Variants in RAI14 observed in about 807,000 individuals in gnomAD.
RAI14 encodes ankycorbin.
In RAI14, 45 loss-of-function variants were observed where a neutral mutation model predicts 115.4. The ratio of observed to expected loss-of-function variants is 0.39; its 90% CI spans 0.31 to 0.50. The LOEUF is 0.50. Ranked by LOEUF, RAI14 falls within the 20% of genes least tolerant of loss-of-function variation. The pLI, the probability that RAI14 is intolerant of heterozygous loss-of-function variation, is 0.85. For missense variants in RAI14, 939 were observed against 1,131.2 expected (o/e 0.83, Z 2.44); for synonymous variants, 371 against 415.4 (o/e 0.89, Z 1.30).
intron 1 of RAI14, among the ~76,000 whole-genome samples, chr5:34,658,246 G>A (rs188191519): frequency 7.9e-5 from 12 of 152,308 alleles, no homozygotes; most frequent in Admixed American, 6.5e-4. Flanking sequence ...TAGGGATTCC[G>A]TAGGGGAATG....
At chr5:34,824,963 A>G (rs1757291960) in intron 15 of RAI14, among the ~76,000 whole-genome samples, 1 of 151,578 alleles carries the variant, frequency 6.6e-6, no homozygotes, top group Non-Finnish European at 1.5e-5. Context: ...AAAAAAAAAA[A>G]AAAAAGAATA....
chr5:34,766,752 T>C (rs1324136601), intron 3 of RAI14, among the ~76,000 whole-genome samples: 1 of 152,144 alleles, frequency 6.6e-6, no homozygotes, highest in Non-Finnish European at 1.5e-5. Context: ...TTGAAATCTC[T>C]CCACATGAGA....
At position 34,681,595 on chromosome 5, in the gene RAI14, A is replaced by G. The variant is rs547741733; in HGVS notation, c.-48-5277A>G. ...CTGTAGCCTTGAACTCCCAGGCTCA[A>G]GTGACCCTTCCACCTCAACCTCCTG... On this transcript the variant is annotated intron_variant, in intron 1 of 17. Transcript: ENST00000265109. 2.6e-5 allele frequency among the ~76,000 whole-genome samples: 4 copies of G among 152,234 alleles called. No individual in the cohort carries two copies. The South Asian group carries it at 8.3e-4, about 32-fold the overall frequency.
intron 5 of RAI14, among the ~76,000 whole-genome samples, chr5:34,806,464 G>A (rs1282298135): frequency 6.6e-6 from 1 of 152,198 alleles, no homozygotes; most frequent in Non-Finnish European, 1.5e-5. Flanking sequence ...CGTGCCAGGA[G>A]GCTACCTTAG....
intron 3 of RAI14, among the ~76,000 whole-genome samples, chr5:34,770,572 C>T (rs963833164): frequency 6.6e-6 from 1 of 152,306 alleles, no homozygotes; most frequent in South Asian, 2.1e-4. Flanking sequence ...GAGAAGGAAG[C>T]CCTCTCAGCA....
At chr5:34,679,861 C>T (rs1292775170) in intron 1 of RAI14, among the ~76,000 whole-genome samples, 1 of 151,832 alleles carries the variant, frequency 6.6e-6, no homozygotes, top group Admixed American at 6.6e-5. Context: ...ATCCCAATGA[C>T]GCTAACCCGT....
chr5:34,783,380 C>T (rs1158614402), intron 3 of RAI14, among the ~76,000 whole-genome samples: 1 of 152,162 alleles, frequency 6.6e-6, no homozygotes, highest in East Asian at 1.9e-4. Flanking sequence ...GGTATCTCTT[C>T]CTCGGCATCT....
chr5:34,771,214 C>A (rs1010696465), intron 3 of RAI14, among the ~76,000 whole-genome samples: 5 of 152,208 alleles, frequency 3.3e-5, no homozygotes, highest in Admixed American at 1.3e-4. Context: ...ACCAGTTATT[C>A]TTCTGCAACG....
chr5:34,726,734 G>A (rs919813034), intron 2 of RAI14, among the ~76,000 whole-genome samples: 5 of 127,710 alleles, frequency 3.9e-5, no homozygotes, highest in Admixed American at 7.4e-5. Context: ...GTTTTATAAA[G>A]GGGAGTTCTT....
intron 1 of RAI14, 73 bp from the exon 2 acceptor site, chr5:34,686,799 C>A: frequency 1.0e-6 from 1 of 966,698 alleles, no homozygotes; most frequent in Non-Finnish European, 1.6e-6. Flanking sequence ...CTTCCCATGA[C>A]CCAAGTTGTA....
At chr5:34,709,129 CA>C (rs35361351) in intron 2 of RAI14, among the ~76,000 whole-genome samples, 10,165 of 95,948 alleles carry the variant, frequency 0.11, 310 homozygotes, top group Middle Eastern at 0.14. Flanking sequence ...GACCCTATCT[CA>C]AAAAAAAAAA....
intron 3 of RAI14, among the ~76,000 whole-genome samples, chr5:34,795,431 A>G (rs768095034): frequency 9.2e-5 from 14 of 152,326 alleles, no homozygotes; most frequent in Middle Eastern, 3.4e-3. Flanking sequence ...GCATGCAACT[A>G]TTGTTACTCA....
chr5:34,663,123 A>G (rs1242874766), intron 1 of RAI14, among the ~76,000 whole-genome samples: 1 of 152,106 alleles, frequency 6.6e-6, no homozygotes, highest in African/African-American at 2.4e-5. Context: ...TCAAATGTCA[A>G]TTTTCTAGCT....
intron 2 of RAI14, among the ~76,000 whole-genome samples, chr5:34,726,707 T>A (rs1289826532): frequency 4.0e-5 from 6 of 150,376 alleles, no homozygotes; most frequent in Non-Finnish European, 8.9e-5. Flanking sequence ...AGTGAATAAG[T>A]CCCATGAGAT....
At chr5:34,824,812 C>T (rs1378165187) in intron 15 of RAI14, among the ~76,000 whole-genome samples, 1 of 151,958 alleles carries the variant, frequency 6.6e-6, no homozygotes, top group Non-Finnish European at 1.5e-5. Flanking sequence ...GGCGTGGTGG[C>T]ACACGCCTGT....
intron 1 of RAI14, among the ~76,000 whole-genome samples, chr5:34,678,209 T>C (rs1232396158): frequency 1.3e-5 from 2 of 152,114 alleles, no homozygotes; most frequent in Non-Finnish European, 2.9e-5. Context: ...GCAATCCTCA[T>C]GCCTCAGCCT....
chr5:34,724,698 T>C (rs547854202), intron 2 of RAI14, among the ~76,000 whole-genome samples: 1 of 152,322 alleles, frequency 6.6e-6, no homozygotes, highest in South Asian at 2.1e-4. Context: ...TCTCAGAGAC[T>C]CTGATGCATT....
chr5:34,808,499 A>G, intron 6 of RAI14, 85 bp from the exon 7 acceptor site: 1 of 1,247,446 alleles, frequency 8.0e-7, no homozygotes, highest in East Asian at 2.4e-5. Flanking sequence ...GTAGAACATG[A>G]ACATTTCCTT....
intron 16 of RAI14, 123 bp downstream of exon 16, chr5:34,826,602 A>G: frequency 1.6e-6 from 2 of 1,280,434 alleles, no homozygotes; most frequent in Non-Finnish European, 2.1e-6. Context: ...AATGTACTTC[A>G]ATGAGCAGTT....
Sources: allele counts gnomAD v4.1 joint callset (sites outside exome capture counted in the v4.1 genomes callset), GRCh38; gene constraint gnomAD v4.1.1; transcripts MANE v1.5; gene names NCBI Gene and HGNC (gene_info 2026-07-23, HGNC 2026-07-21).